The following PTK2 variants were observed in gnomAD, a reference collection of about 807,000 sequenced individuals.
The protein encoded by PTK2 is protein tyrosine kinase 2, also known as focal adhesion kinase 1.
PTK2 carries 45 observed loss-of-function variants against 150.1 expected under a neutral mutation model. The observed-to-expected ratio is 0.30, with a 90% CI of 0.24 to 0.38. PTK2 has a LOEUF of 0.38. Ranked by LOEUF, PTK2 falls within the 10% of genes least tolerant of loss-of-function variation. The pLI, the probability that PTK2 is intolerant of heterozygous loss-of-function variation, is 1.00. For synonymous variants in PTK2, 432 were observed against 449.2 expected, an observed-to-expected ratio of 0.96 and a Z score of 0.48; for missense variants, 919 against 1,307.3, an observed-to-expected ratio of 0.70 and a Z score of 4.58.
At chr8:140,975,594 G>A (rs560196601) in intron 1 of PTK2, among the ~76,000 whole-genome samples, 14 of 152,202 alleles carry the variant, frequency 9.2e-5, no homozygotes, top group East Asian at 3.9e-4. Flanking sequence ...TTATTAAAGC[G>A]TTGAGGAGAG....
intron 1 of PTK2, among the ~76,000 whole-genome samples, chr8:140,937,674 G>C (rs1454230864): frequency 6.6e-6 from 1 of 151,572 alleles, no homozygotes; most frequent in Non-Finnish European, 1.5e-5. Flanking sequence ...CTACATACAG[G>C]GTTTAATGTA....
At chr8:140,861,667 GAACTT>G (rs1455690119) in intron 5 of PTK2, among the ~76,000 whole-genome samples, 1 of 152,188 alleles carries the variant, frequency 6.6e-6, no homozygotes, top group African/African-American at 2.4e-5. Flanking sequence ...CTCATATAAT[GAACTT>G]AACAGTCCTA....
In PTK2 at chr8:140,970,930, T is replaced by C. The variant is rs138451960; in HGVS notation, c.-122+30195A>G. Among the ~76,000 whole-genome samples, 333 of 151,838 alleles carry C rather than the reference T, an allele frequency of 2.2e-3. 1 individual carries two copies. The highest frequency in any genetic ancestry group is 7.0e-3 in the African/African-American group (291 of 41,462). On this transcript the variant is annotated intron_variant, in intron 1 of 31. Coordinates refer to ENST00000522684, the Ensembl canonical transcript of PTK2. ...AAAACAAAAAACTTGCTTAAGACTA[T>C]AAGCTTTTCAATAAGAACAGTTGCT...
intron 12 of PTK2, among the ~76,000 whole-genome samples, chr8:140,798,596 A>C (rs1013332151): frequency 6.6e-6 from 1 of 152,220 alleles, no homozygotes; most frequent in Non-Finnish European, 1.5e-5. Context: ...CAACACAGGA[A>C]GATGTTTACG....
intron 8 of PTK2, among the ~76,000 whole-genome samples, chr8:140,820,049 G>C (rs1202052770): frequency 7.7e-6 from 1 of 129,210 alleles, no homozygotes; most frequent in East Asian, 2.8e-4. Flanking sequence ...GAGACTTTGA[G>C]AAGAGGAGTG....
At chr8:140,913,296 ACT>A (rs1010897686) in intron 2 of PTK2, among the ~76,000 whole-genome samples, 2 of 98,588 alleles carry the variant, frequency 2.0e-5, no homozygotes, top group African/African-American at 7.1e-5. Context: ...GTAAAATTAA[ACT>A]TTTTTTTTTT....
At chr8:140,964,905 A>G (rs1181902060) in intron 1 of PTK2, among the ~76,000 whole-genome samples, 1 of 152,142 alleles carries the variant, frequency 6.6e-6, no homozygotes, top group East Asian at 1.9e-4. Context: ...CTCCCAAGAA[A>G]AAAGGTATTT....
chr8:140,712,836 C>T (rs751422644), intron 23 of PTK2, among the ~76,000 whole-genome samples: 8 of 152,152 alleles, frequency 5.3e-5, no homozygotes, highest in African/African-American at 7.2e-5. Context: ...CTTGAAAACT[C>T]GAATTTTATA....
At chr8:140,752,877 AG>A (rs1354227916) in intron 16 of PTK2, among the ~76,000 whole-genome samples, 5 of 152,228 alleles carry the variant, frequency 3.3e-5, no homozygotes, top group Admixed American at 2.0e-4. Context: ...AGCGTGCTCA[AG>A]GAACATGAGC....
At chr8:140,801,488 C>A (rs1406275787) in intron 11 of PTK2, among the ~76,000 whole-genome samples, 5 of 152,274 alleles carry the variant, frequency 3.3e-5, no homozygotes, top group African/African-American at 1.2e-4. Context: ...TGGGTATGAA[C>A]CCCATCTCTT....
At position 140,735,333 on chromosome 8, in the gene PTK2, T is replaced by C. The variant is rs990488105; in HGVS notation, c.1948A>G (p.Thr650Ala). The change falls in exon 22 of 32, where the codon ACC becomes GCC. Residue 650 changes from threonine (T) to alanine (A), a missense_variant. Transcript: ENST00000522684. ...CATTTCGTCATAAGGCTGTAGAGGG[T>C]AGGAGGACAATTTGGAGGCATTGGT... The C allele has an allele frequency of 6.2e-7, 1 of 1,613,990 alleles. No homozygotes were observed. Among genetic ancestry groups the C allele is most frequent in the Non-Finnish European group, 8.5e-7 (1 of 1,179,990 alleles).
chr8:140,955,172 T>A (rs557295379), intron 1 of PTK2, among the ~76,000 whole-genome samples: 1 of 152,206 alleles, frequency 6.6e-6, no homozygotes, highest in Non-Finnish European at 1.5e-5. Context: ...ACAGATATGG[T>A]TTGGCTGTGT....
At chr8:140,998,159 A>T (rs532144435) in intron 1 of PTK2, among the ~76,000 whole-genome samples, 1 of 152,250 alleles carries the variant, frequency 6.6e-6, no homozygotes, top group Non-Finnish European at 1.5e-5. Flanking sequence ...TACAAACAGT[A>T]TAACTTTTAA....
intron 2 of PTK2, among the ~76,000 whole-genome samples, chr8:140,909,921 G>C (rs1003335286): frequency 3.9e-5 from 6 of 152,026 alleles, no homozygotes; most frequent in African/African-American, 1.4e-4. Flanking sequence ...TGGTATATTT[G>C]AAATGTATTC....
intron 1 of PTK2, among the ~76,000 whole-genome samples, chr8:140,962,231 A>AT (rs1227230127): frequency 6.6e-6 from 1 of 150,686 alleles, no homozygotes; most frequent in African/African-American, 2.4e-5. Flanking sequence ...AAAAAAAAAA[A>AT]AAAGGAAGGA....
rs139775522 is a variant in PTK2 at position 140,881,564 on chromosome 8, G to A, written c.196-1927C>T. Among the ~76,000 whole-genome samples the A allele has an allele frequency of 5.3e-5, 8 of 152,328 alleles. No individual in the cohort carries two copies. In the East Asian group the frequency reaches 1.3e-3, roughly 26 times the overall value. On this transcript the variant is annotated intron_variant, in intron 3 of 31. Coordinates refer to ENST00000522684, the Ensembl canonical transcript of PTK2. ...CAAGAGGCGGCTCTCTCTTGTTAGA[G>A]CTGCGATCAGTGTCTACAGTGGTCT...
chr8:140,810,737 G>A (rs1212426269), intron 10 of PTK2, among the ~76,000 whole-genome samples: 1 of 152,184 alleles, frequency 6.6e-6, no homozygotes, highest in Non-Finnish European at 1.5e-5. Context: ...GGCAGGCACA[G>A]AGCCAACCAG....
intron 1 of PTK2, among the ~76,000 whole-genome samples, chr8:140,963,439 T>G (rs537114266): frequency 3.5e-4 from 54 of 152,286 alleles, no homozygotes; most frequent in South Asian, 1.5e-3. Flanking sequence ...CCAATCTAAC[T>G]CTTTCACCTC....
chr8:140,877,363 C>T (rs1339221175), intron 4 of PTK2, among the ~76,000 whole-genome samples: 1 of 152,084 alleles, frequency 6.6e-6, no homozygotes, highest in Non-Finnish European at 1.5e-5. Context: ...AGCCTAGCTA[C>T]ATTTTCAGAG....
Sources: allele counts gnomAD v4.1 joint callset (sites outside exome capture counted in the v4.1 genomes callset), GRCh38; gene constraint gnomAD v4.1.1; transcripts MANE v1.5; gene names NCBI Gene and HGNC (gene_info 2026-07-23, HGNC 2026-07-21).